The following NOTCH3 variants were observed in gnomAD, a reference collection of about 807,000 sequenced individuals.
NOTCH3 encodes notch receptor 3, also known as neurogenic locus notch homolog protein 3.
NOTCH3 carries 86 observed loss-of-function variants against 213.3 expected under a neutral mutation model. The observed-to-expected ratio is 0.40, with a 90% CI of 0.34 to 0.48. The LOEUF (loss-of-function observed/expected upper bound fraction) is 0.48. NOTCH3 is among the 20% of genes least tolerant of loss of function. The pLI, the probability that NOTCH3 is intolerant of heterozygous loss-of-function variation, is 0.57. For synonymous variants in NOTCH3, 1,354 were observed against 1,355.9 expected (o/e 1.00, Z 0.03); for missense variants, 2,783 against 3,272.6 (o/e 0.85, Z 3.65).
rs762208812 is a variant in NOTCH3 at position 15,165,866 on chromosome 19, G to C, written c.5588C>G (p.Ala1863Gly). The C allele has an allele frequency of 6.2e-7, 1 of 1,614,048 alleles. No individual in the cohort carries two copies. The highest frequency in any genetic ancestry group is 8.5e-7 in the Non-Finnish European group (1 of 1,180,008). Residue 1863 changes from alanine to glycine, a missense_variant, in exon 30 of 33, where the codon GCA becomes GGA. By Grantham distance (60) the Ala-to-Gly change is moderately conservative (BLOSUM62 0). This residue lies in a region of NOTCH3 where 636 missense variants were observed against 801.8 expected (regional missense o/e 0.79). Transcript: ENST00000263388. This position sits in a 1 kb window ranked among gnomAD's most constrained non-coding sequence, Gnocchi z 4.7. ...TGAGTGGTCCTGGGCATTGGTGTCT[G>C]CCCCAGCATCCAGCAGCCGCTTGGC... ...DAAKRLLDAG[A>G]DTNAQDHSGR...
intron 16 of NOTCH3, 111 bp from the exon 17 acceptor site, chr19:15,181,912 G>A: frequency 1.1e-6 from 1 of 894,914 alleles, no homozygotes; most frequent in Non-Finnish European, 1.7e-6. Context: ...GGTTCAACTG[G>A]GATGGGGTGC....
Position 15,178,873 on chromosome 19 carries a change from G to A in NOTCH3, c.3787C>T (p.Pro1263Ser), listed in dbSNP as rs1189277916. ...AGCCCACCCCCAGGACCCGGGCTAG[G>A]ACGGCACTGGCCTCCATGCTGGCAT... ...QPCQHGGQCR[P>S]SPGPGGGLTF... Residue 1263 changes from proline to serine, a missense_variant, in exon 23 of 33, where the codon CCT becomes TCT. Coordinates refer to ENST00000263388, the MANE Select transcript of NOTCH3 (RefSeq NM_000435.3). 6.2e-7 allele frequency: 1 copy of A among 1,610,242 alleles called. No individual in the cohort carries two copies. The highest frequency in any genetic ancestry group is 8.5e-7 in the Non-Finnish European group (1 of 1,178,364).
chr19:15,169,302 G>A (rs952301874), intron 28 of NOTCH3, among the ~76,000 whole-genome samples: 5 of 152,106 alleles, frequency 3.3e-5, no homozygotes, highest in African/African-American at 1.2e-4. Context: ...ACCAGGAAGA[G>A]AGCCCTTACC....
rs138411053 is a variant in NOTCH3, at chr19:15,165,937, G to A, written c.5517C>T (p.Gly1839=). 3.3e-5 allele frequency: 53 copies of A among 1,614,044 alleles called. No homozygotes were observed. The highest frequency in any genetic ancestry group is 1.1e-4 in the East Asian group (5 of 44,886). The change falls in exon 30 of 33, where the codon GGC becomes GGT. Residue 1839 remains glycine (G), a synonymous_variant. Coordinates refer to ENST00000263388, the MANE Select transcript of NOTCH3 (RefSeq NM_000435.3). The surrounding 1 kb of genome is among the most constrained non-coding windows in gnomAD (Gnocchi z 4.7). ...AQLGARTDRT[G]ETALHLAARY... ...GGGCAGCCAGGTGCAAAGCAGTCTC[G>A]CCAGTACGGTCAGTCCGTGCCCCAA...
Position 15,161,399 on chromosome 19 carries a change from G to A in NOTCH3, c.6229C>T (p.Pro2077Ser), listed in dbSNP as rs2145382529. Reference protein sequence around the residue: ...PGKAGLGPQGPRGRGKKLTLA... With the variant: ...PGKAGLGPQGSRGRGKKLTLA... ...GTCAGCTTCTTGCCCCGCCCCCGGG[G>A]CCCCTGCGGCCCCAGCCCCGCCTTC... Residue 2077 changes from proline to serine, a missense_variant, in exon 33 of 33, where the codon CCC (proline) becomes TCC (serine). Physicochemically the swap from Pro to Ser is moderately conservative, Grantham distance 74. Coordinates refer to ENST00000263388, the MANE Select transcript of NOTCH3 (RefSeq NM_000435.3). The A allele has an allele frequency of 2.0e-6, 3 of 1,522,194 alleles. No individual in the cohort carries two copies. Among genetic ancestry groups the A allele is most frequent in the Non-Finnish European group, 2.6e-6 (3 of 1,135,668 alleles). 94.3% of individuals were successfully genotyped at this position (1,522,194 alleles called of 1,614,324 possible).
In NOTCH3 at chr19:15,161,982, C is replaced by CTTT. The variant is rs71168583; in HGVS notation, c.5914-271_5914-269dup. Among the ~76,000 whole-genome samples, 2,833 of 114,694 alleles carry CTTT rather than the reference C, an allele frequency of 0.025. 219 individuals carry two copies. The highest frequency in any genetic ancestry group is 0.07 in the African/African-American group (1,997 of 28,422). 75.2% of individuals were successfully genotyped at this position (114,694 alleles called of 152,430 possible). A position where few individuals can be genotyped will look rare whatever the true frequency, so the allele number is the denominator to read the frequency against. On this transcript the variant is annotated intron_variant, in intron 32 of 32. Transcript: ENST00000263388. ...TTAGGCATAACTTTTTTTTTCTTGTCTTTTTTTTTTTTTTTTTTTGACAGA... is the reference window on the plus strand; with the variant it reads ...TTAGGCATAACTTTTTTTTTCTTGTCTTTTTTTTTTTTTTTTTTTTTTGACAGA...
At chr19:15,192,618 C>T (rs1426312380) in intron 2 of NOTCH3, 99 bp from the exon 3 acceptor site, 1 of 1,480,322 alleles carries the variant, frequency 6.8e-7, no homozygotes, top group Non-Finnish European at 9.1e-7. Flanking sequence ...GGAAACAGAG[C>T]AGCAAACACA....
chr19:15,166,507 G>C (rs146809059), intron 29 of NOTCH3, among the ~76,000 whole-genome samples: 2 of 6,816 alleles, frequency 2.9e-4, no homozygotes, highest in Non-Finnish European at 1.2e-3. Context: ...TGTTTTAAAA[G>C]GGGGGGGGAA....
chr19:15,168,321 G>A (rs1203082836), intron 28 of NOTCH3, among the ~76,000 whole-genome samples: 1 of 152,160 alleles, frequency 6.6e-6, no homozygotes, highest in East Asian at 1.9e-4. Flanking sequence ...TCTGGGTTGA[G>A]CAGGTTTTTT....
rs756338904 is a variant in NOTCH3, at chr19:15,165,919, C to G, written c.5535G>C (p.Leu1845=). ...CATCAGCACGGGCATAACGGGCAGCCAGGTGCAAAGCAGTCTCGCCAGTAC... is the reference window on the plus strand; with the variant it reads ...CATCAGCACGGGCATAACGGGCAGCGAGGTGCAAAGCAGTCTCGCCAGTAC... ...TDRTGETALH[L]AARYARADAA... Residue 1845 remains leucine (L), a synonymous_variant, in exon 30 of 33, where the codon CTG becomes CTC. Coordinates refer to ENST00000263388, the MANE Select transcript of NOTCH3 (RefSeq NM_000435.3). The surrounding 1 kb of genome is among the most constrained non-coding windows in gnomAD (Gnocchi z 4.7). The G allele has an allele frequency of 2.7e-5, 43 of 1,614,160 alleles. No individual in the cohort carries two copies. Among genetic ancestry groups the G allele is most frequent in the Non-Finnish European group, 3.6e-5 (43 of 1,180,030 alleles).
chr19:15,193,124 T>A (rs572350315), intron 2 of NOTCH3, among the ~76,000 whole-genome samples: 1 of 152,012 alleles, frequency 6.6e-6, no homozygotes, highest in Non-Finnish European at 1.5e-5. Flanking sequence ...GTGAAAGCCA[T>A]CAGAACCATG....
At position 15,160,217 on chromosome 19, in the gene NOTCH3, C is replaced by T. The variant is rs2046628075; in HGVS notation, c.*445G>A. On this transcript the variant is annotated 3_prime_UTR_variant, in exon 33 of 33. Coordinates refer to ENST00000263388, the MANE Select transcript of NOTCH3 (RefSeq NM_000435.3). ...AGCCCCACGGGGGCACTGGGGGGTTCACAGGGGGAGGGAGCATCTCCATAT... is the reference window on the plus strand; with the variant it reads ...AGCCCCACGGGGGCACTGGGGGGTTTACAGGGGGAGGGAGCATCTCCATAT... 1 of 240,202 alleles carries T rather than the reference C, an allele frequency of 4.2e-6. No homozygotes were observed. Among genetic ancestry groups the T allele is most frequent in the African/African-American group, 2.2e-5 (1 of 44,980 alleles). 14.9% of individuals were successfully genotyped at this position (240,202 alleles called of 1,614,324 possible).
At position 15,180,777 on chromosome 19, in the gene NOTCH3, C is replaced by T. The variant is rs1333396423; in HGVS notation, c.3046G>A (p.Val1016Ile). The change falls in exon 19 of 33, where the codon GTC (valine) becomes ATC (isoleucine). Residue 1016 changes from valine (V) to isoleucine (I), a missense_variant. Val to Ile is a conservative substitution (Grantham distance 29, BLOSUM62 3). Coordinates refer to ENST00000263388, the MANE Select transcript of NOTCH3 (RefSeq NM_000435.3). ...RQPCQNGGRC[V>I]QTGAYCLCPP... ...CAAAGGCAATAGGCCCCAGTCTGGA[C>T]GCAGCGACCCCCGTTTTGACAAGGC... 6.2e-7 allele frequency: 1 copy of T among 1,607,090 alleles called. No individual in the cohort carries two copies. The highest frequency in any genetic ancestry group is 8.5e-7 in the Non-Finnish European group (1 of 1,177,348).
intron 27 of NOTCH3, 25 bp from the exon 28 acceptor site, chr19:15,170,195 T>C (rs1284430129): frequency 6.4e-7 from 1 of 1,560,344 alleles, no homozygotes; most frequent in East Asian, 2.3e-5. Context: ...GAAGAGGGGA[T>C]GTGAGGGGGA....
intron 23 of NOTCH3, 45 bp downstream of exon 23, chr19:15,178,755 CGCCACGCCCCTACTACTCCAGAG>C (rs2046812871): frequency 9.0e-6 from 10 of 1,116,896 alleles, no homozygotes; most frequent in East Asian, 2.5e-5. Context: ...TCCTCCTAGA[CGCCACGCCCCTACTACTCCAGAG>C]GCCACGCCCC....
chr19:15,171,057 T>C (rs2046729729), intron 25 of NOTCH3, among the ~76,000 whole-genome samples: 1 of 152,194 alleles, frequency 6.6e-6, no homozygotes, highest in South Asian at 2.1e-4. Flanking sequence ...TATTATTTTT[T>C]GATCTTGCAC....
intron 1 of NOTCH3, among the ~76,000 whole-genome samples, chr19:15,199,006 T>C (rs2046990701): frequency 6.6e-6 from 1 of 152,008 alleles, no homozygotes; most frequent in Non-Finnish European, 1.5e-5. Flanking sequence ...GCCTACATAG[T>C]ATATGCCCCT....
At chr19:15,196,070 G>A (rs2046968121) in intron 2 of NOTCH3, among the ~76,000 whole-genome samples, 1 of 151,396 alleles carries the variant, frequency 6.6e-6, no homozygotes, top group South Asian at 2.1e-4. Context: ...AAGGACTTGA[G>A]TATTTGAGAC....
chr19:15,188,391 T>C (rs2145435154), intron 8 of NOTCH3, 43 bp from the exon 9 acceptor site: 2 of 1,305,778 alleles, frequency 1.5e-6, no homozygotes, highest in Non-Finnish European at 2.2e-6. Flanking sequence ...GGCTACCCTA[T>C]GGTGTGAACG....
Sources: allele counts gnomAD v4.1 joint callset (sites outside exome capture counted in the v4.1 genomes callset), GRCh38; gene constraint gnomAD v4.1.1; regional missense constraint gnomAD v4.1.1; non-coding constraint Gnocchi (gnomAD v3.1); transcripts MANE v1.5; gene names NCBI Gene and HGNC (gene_info 2026-07-23, HGNC 2026-07-21).